The following RAPGEF2 variants were observed in gnomAD, a reference collection of about 807,000 sequenced individuals.
The protein encoded by RAPGEF2 is Rap guanine nucleotide exchange factor 2, also known as PDZ domain containing guanine nucleotide exchange factor (GEF) 1.
A neutral mutation model predicts 186.7 loss-of-function variants in RAPGEF2; 54 were observed. The ratio of observed to expected loss-of-function variants is 0.29; its 90% CI spans 0.23 to 0.36. RAPGEF2 has a LOEUF of 0.36. Ranked by LOEUF, RAPGEF2 falls within the 10% of genes least tolerant of loss-of-function variation. The pLI is 1.00. For synonymous variants in RAPGEF2, 712 were observed against 705.9 expected (o/e 1.01, Z -0.14); for missense variants, 1,532 against 2,045.0 (o/e 0.75, Z 4.84).
At chr4:159,237,842 TAAAAAAAAA>T (rs58593781) in intron 4 of RAPGEF2, among the ~76,000 whole-genome samples, 12 of 66,944 alleles carry the variant, frequency 1.8e-4, no homozygotes, top group African/African-American at 4.9e-4. Flanking sequence ...CTACAAAAAT[TAAAAAAAAA>T]AAAAAAAAAA....
At chr4:159,104,805 AAC>A (rs1737698069) in intron 1 of RAPGEF2, among the ~76,000 whole-genome samples, 1 of 152,186 alleles carries the variant, frequency 6.6e-6, no homozygotes, top group Non-Finnish European at 1.5e-5. Context: ...CCTTCAGTAA[AAC>A]ATTGAGGTGT....
intron 1 of RAPGEF2, among the ~76,000 whole-genome samples, chr4:159,104,523 A>AGAGAGAGG (rs1255733124): frequency 3.3e-5 from 4 of 122,860 alleles, no homozygotes; most frequent in South Asian, 2.5e-4. Context: ...AGAGAGAGAG[A>AGAGAGAGG]GAGGGAGAGA....
At chr4:159,286,924 G>A (rs557182877) in intron 7 of RAPGEF2, among the ~76,000 whole-genome samples, 10 of 152,176 alleles carry the variant, frequency 6.6e-5, no homozygotes, top group African/African-American at 2.2e-4. Context: ...TGCAAGCTTC[G>A]TGAGAGTATG....
chr4:159,336,848 C>G (rs1009887881), intron 17 of RAPGEF2, among the ~76,000 whole-genome samples: 8 of 151,974 alleles, frequency 5.3e-5, no homozygotes, highest in African/African-American at 1.9e-4. Flanking sequence ...TGCTAAATTT[C>G]TTCATTTTAT....
At chr4:159,322,548 C>CA (rs1417244252) in intron 10 of RAPGEF2, 65 bp downstream of exon 10, 7 of 1,391,170 alleles carry the variant, frequency 5.0e-6, no homozygotes, top group Non-Finnish European at 7.0e-6. Flanking sequence ...AGCAATTGAA[C>CA]AAAACCCCAA....
At chr4:159,164,532 GA>G in intron 1 of RAPGEF2, among the ~76,000 whole-genome samples, 1 of 152,130 alleles carries the variant, frequency 6.6e-6, no homozygotes, top group East Asian at 1.9e-4. Flanking sequence ...TCCTTTTGGT[GA>G]TTATTAGATA....
rs1279650487 is a variant in RAPGEF2 at position 159,159,333 on chromosome 4, T to C, written c.70-27309T>C. Reference sequence around the variant, plus strand: ...TATTCTCTTAGGAAAAATGTGTTGCTTCAATCTGTATGGAGAAAATTCTTT... The same window carrying C: ...TATTCTCTTAGGAAAAATGTGTTGCCTCAATCTGTATGGAGAAAATTCTTT... On this transcript the variant is annotated intron_variant, in intron 1 of 29. Coordinates refer to ENST00000691494, the MANE Select transcript of RAPGEF2 (RefSeq NM_001394067.2). Among the ~76,000 whole-genome samples the C allele has an allele frequency of 2.0e-5, 3 of 152,252 alleles. No homozygotes were observed. In the East Asian group the frequency reaches 5.8e-4, roughly 29 times the overall value.
In RAPGEF2 at chr4:159,322,338, G is replaced by C. The variant is rs1765338744; in HGVS notation, c.854-9G>C. On this transcript the variant is annotated splice_polypyrimidine_tract_variant and intron_variant, in intron 9 of 29. Transcript: ENST00000691494. ...GTAGTTTTTACAAAGTATGTCTTTT[G>C]CTTTTCAGAACAACTCTTGGAATTT... The C allele has an allele frequency of 1.9e-6, 3 of 1,612,374 alleles. No homozygotes were observed. In the East Asian group the frequency reaches 6.7e-5, roughly 36 times the overall value.
intron 7 of RAPGEF2, among the ~76,000 whole-genome samples, chr4:159,298,608 A>G (rs941777256): frequency 6.6e-6 from 1 of 152,218 alleles, no homozygotes; most frequent in African/African-American, 2.4e-5. Flanking sequence ...AAAGGAAGAC[A>G]GTGTGGGTGT....
chr4:159,345,328 A>G lies in RAPGEF2; in HGVS notation c.3501A>G (p.Thr1167=). 6.2e-7 allele frequency: 1 copy of G among 1,613,842 alleles called. No individual in the cohort carries two copies. The highest frequency in any genetic ancestry group is 8.5e-7 in the Non-Finnish European group (1 of 1,179,870). ...LSLQCEPATN[T]LPKNPGDKKP... ...TGCAGTGTGAGCCAGCAACCAACAC[A>G]TGTGAGTTTTTCCTTAAAGTGGCTG... Residue 1167 remains threonine (T), a splice_region_variant and synonymous_variant, in exon 24 of 30, where the codon ACA becomes ACG. Transcript: ENST00000691494.
Position 159,353,453 on chromosome 4 carries a change from T to G in RAPGEF2, c.4092-34T>G. The G allele has an allele frequency of 7.1e-7, 1 of 1,407,104 alleles. No homozygotes were observed. The highest frequency in any genetic ancestry group is 2.5e-5 in the East Asian group (1 of 40,156). 87.2% of individuals were successfully genotyped at this position (1,407,104 alleles called of 1,614,324 possible). A position where few individuals can be genotyped will look rare whatever the true frequency, so the allele number is the denominator to read the frequency against. ...AGGTGAATTAGTTATCAATCTTGTTTTTTTTTTCTTTTCCATTTCTTTTAA... is the reference window on the plus strand; with the variant it reads ...AGGTGAATTAGTTATCAATCTTGTTGTTTTTTTCTTTTCCATTTCTTTTAA... On this transcript the variant is annotated intron_variant, in intron 27 of 29. Coordinates refer to ENST00000691494, the MANE Select transcript of RAPGEF2 (RefSeq NM_001394067.2). The surrounding 1 kb of genome is among the most constrained non-coding windows in gnomAD (Gnocchi z 4.3).
Position 159,346,777 on chromosome 4 carries a change from A to T in RAPGEF2, c.3503-12A>T, listed in dbSNP as rs778544435. ...ATTCTTTGTTCTATTTTCAAACCCA[A>T]ACAATTATCAGTGCCTAAGAATCCT... is the stretch of plus-strand genomic sequence containing the variant. On this transcript the variant is annotated splice_polypyrimidine_tract_variant and intron_variant, in intron 24 of 29. Transcript: ENST00000691494. 9 of 1,611,052 alleles carry T rather than the reference A, an allele frequency of 5.6e-6. No individual in the cohort carries two copies. The East Asian group carries it at 2.0e-4, about 36-fold the overall frequency.
intron 4 of RAPGEF2, chr4:159,228,253 A>G (rs1050776010): frequency 6.6e-6 from 1 of 152,300 alleles, no homozygotes; most frequent in Admixed American, 6.5e-5. Context: ...GGGAGAAAAC[A>G]CGGGGAAATG....
At chr4:159,173,279 A>G (rs1279532117) in intron 1 of RAPGEF2, among the ~76,000 whole-genome samples, 4 of 152,206 alleles carry the variant, frequency 2.6e-5, no homozygotes, top group Non-Finnish European at 5.9e-5. Flanking sequence ...AAGAGGCAAT[A>G]AAGAACTGGT....
chr4:159,334,185 C>G (rs982294903), intron 17 of RAPGEF2, among the ~76,000 whole-genome samples: 1 of 152,076 alleles, frequency 6.6e-6, no homozygotes, highest in Admixed American at 6.5e-5. Flanking sequence ...TTAAAATAAC[C>G]TTCGTTGATG....
chr4:159,291,519 C>T (rs1042807092), intron 7 of RAPGEF2, among the ~76,000 whole-genome samples: 1 of 152,102 alleles, frequency 6.6e-6, no homozygotes, highest in African/African-American at 2.4e-5. Context: ...TGGTCCCAAA[C>T]CCCTGGACTC....
intron 28 of RAPGEF2, 23 bp from the exon 29 acceptor site, chr4:159,355,830 C>T: frequency 6.6e-7 from 1 of 1,521,858 alleles, no homozygotes; most frequent in Non-Finnish European, 8.9e-7. Context: ...GTTTTTAATG[C>T]TGGTGCATTG....
At chr4:159,259,955 A>T (rs759309680) in intron 7 of RAPGEF2, among the ~76,000 whole-genome samples, 24 of 152,024 alleles carry the variant, frequency 1.6e-4, no homozygotes, top group Non-Finnish European at 2.9e-4. Flanking sequence ...GAAAACTTCT[A>T]TTGTCCTATT....
Position 159,308,815 on chromosome 4 carries a change from G to A in RAPGEF2, c.675+4342G>A, listed in dbSNP as rs184722110. 2.6e-5 allele frequency among the ~76,000 whole-genome samples: 4 copies of A among 152,260 alleles called. No homozygotes were observed. In the East Asian group the frequency reaches 7.7e-4, roughly 29 times the overall value. ...ATCCTGGGGAGTTTGGGAGTTGTGG[G>A]AGTTCCTGTCTTAGACTTCTGTTTT... is the stretch of plus-strand genomic sequence containing the variant. On this transcript the variant is annotated intron_variant, in intron 8 of 29. Coordinates refer to ENST00000691494, the MANE Select transcript of RAPGEF2 (RefSeq NM_001394067.2).
Sources: allele counts gnomAD v4.1 joint callset (sites outside exome capture counted in the v4.1 genomes callset), GRCh38; gene constraint gnomAD v4.1.1; non-coding constraint Gnocchi (gnomAD v3.1); transcripts MANE v1.5; gene names NCBI Gene and HGNC (gene_info 2026-07-23, HGNC 2026-07-21).